The following PCDHA2 variants were observed in gnomAD, a reference collection of about 807,000 sequenced individuals.
The protein encoded by PCDHA2 is protocadherin alpha-2.
In PCDHA2, 58 loss-of-function variants were observed where a neutral mutation model predicts 66.0. That is an observed-to-expected ratio of 0.88 (90% confidence interval 0.71 to 1.09). The LOEUF is 1.09. PCDHA2 is among the 50% of genes least tolerant of loss of function. PCDHA2 has a pLI of 0.00. For synonymous variants in PCDHA2, 634 were observed against 554.0 expected (o/e 1.14, Z -2.03); for missense variants, 1,267 against 1,242.3 (o/e 1.02, Z -0.30).
At chr5:140,870,081 T>A (rs782572380) in intron 1 of PCDHA2, 1 of 1,613,698 alleles carries the variant, frequency 6.2e-7, no homozygotes, top group East Asian at 2.2e-5. Flanking sequence ...ATAAGGGGAC[T>A]CCCCCAATGG....
Position 141,010,263 on chromosome 5 carries a change from C to T in PCDHA2, c.*326C>T, listed in dbSNP as rs782479376. On this transcript the variant is annotated 3_prime_UTR_variant, in exon 4 of 4. Transcript: ENST00000526136. Reference sequence around the variant, plus strand: ...AGGTTGGACTCTCTGCCCTGTGCTCCGGGGATCCTGTCTTGATGACACTTG... The same window carrying T: ...AGGTTGGACTCTCTGCCCTGTGCTCTGGGGATCCTGTCTTGATGACACTTG... The T allele has an allele frequency of 8.4e-6, 13 of 1,551,608 alleles. No homozygotes were observed. Among genetic ancestry groups the T allele is most frequent in the African/African-American group, 5.5e-5 (4 of 73,018 alleles).
At chr5:140,974,083 T>C (rs1345131685) in intron 1 of PCDHA2, among the ~76,000 whole-genome samples, 1 of 152,236 alleles carries the variant, frequency 6.6e-6, no homozygotes, top group Non-Finnish European at 1.5e-5. Flanking sequence ...AACCATGACT[T>C]CAAAAATCAA....
In PCDHA2 at chr5:140,819,267, T is replaced by C. The variant is rs114370260; in HGVS notation, c.2388+21915T>C. On this transcript the variant is annotated intron_variant, in intron 1 of 3. Transcript: ENST00000526136. ...CAATCTGGTATATCTATATAATTTCTATAGATAAGAGAAGAAAAATATAGC... is the reference window on the plus strand; with the variant it reads ...CAATCTGGTATATCTATATAATTTCCATAGATAAGAGAAGAAAAATATAGC... Among the ~76,000 whole-genome samples, 735 of 152,302 alleles carry C rather than the reference T, an allele frequency of 4.8e-3. 10 individuals carry two copies. The highest frequency in any genetic ancestry group is 0.017 in the African/African-American group (707 of 41,588).
At chr5:140,893,570 G>A (rs1583135271) in intron 1 of PCDHA2, among the ~76,000 whole-genome samples, 1 of 152,154 alleles carries the variant, frequency 6.6e-6, no homozygotes, top group African/African-American at 2.4e-5. Context: ...TACTTCCTCA[G>A]TTTTTGCTTG....
intron 1 of PCDHA2, chr5:140,870,414 G>A (rs374225281): frequency 4.0e-5 from 64 of 1,614,112 alleles, no homozygotes; most frequent in Non-Finnish European, 5.0e-5. Context: ...TGTGGGCCAC[G>A]GCCAGGGTAT....
At chr5:140,843,503 A>C in intron 1 of PCDHA2, 1 of 1,595,796 alleles carries the variant, frequency 6.3e-7, no homozygotes. Flanking sequence ...AGCACTGCCC[A>C]CTGAGGGCGG....
Position 140,853,605 on chromosome 5 carries a change from G to A in PCDHA2, c.2388+56253G>A, listed in dbSNP as rs773791072. ...TCTTAGACACTTTGAGAGCAAAGGG[G>A]GTGCTGTAAATAAGTATACAAGATC... On this transcript the variant is annotated intron_variant, in intron 1 of 3. Transcript: ENST00000526136. 143 of 987,206 alleles carry A rather than the reference G, an allele frequency of 1.4e-4. 19 individuals carry two copies. The highest frequency in any genetic ancestry group is 1.7e-4 in the Non-Finnish European group (138 of 819,622). 61.2% of individuals were successfully genotyped at this position (987,206 alleles called of 1,614,324 possible). A position where few individuals can be genotyped will look rare whatever the true frequency, so the allele number is the denominator to read the frequency against.
chr5:140,873,639 T>G (rs567970956), intron 1 of PCDHA2, among the ~76,000 whole-genome samples: 1 of 152,346 alleles, frequency 6.6e-6, no homozygotes, highest in African/African-American at 2.4e-5. Context: ...AAAGAGTATG[T>G]GAGAACTACA....
chr5:140,995,386 A>G (rs1156268381), intron 3 of PCDHA2, among the ~76,000 whole-genome samples: 1 of 152,202 alleles, frequency 6.6e-6, no homozygotes, highest in Non-Finnish European at 1.5e-5. Context: ...TGGGCAGGAT[A>G]AAGCGGGATG....
At chr5:140,810,155 C>G (rs1764606228) in intron 1 of PCDHA2, 1 of 152,258 alleles carries the variant, frequency 6.6e-6, no homozygotes, top group African/African-American at 2.4e-5. Context: ...ATGAAATTAT[C>G]CATGTTGTTA....
At chr5:140,797,840 G>A (rs10052333) in intron 1 of PCDHA2, among the ~76,000 whole-genome samples, 2,257 of 149,980 alleles carry the variant, frequency 0.015, 54 homozygotes, top group African/African-American at 0.054. Context: ...TAGTTAATAA[G>A]CTACATTTTT....
intron 3 of PCDHA2, among the ~76,000 whole-genome samples, chr5:141,007,506 T>A (rs1370245633): frequency 6.6e-6 from 1 of 151,948 alleles, no homozygotes; most frequent in Non-Finnish European, 1.5e-5. Flanking sequence ...AGGCAGAGAC[T>A]GCAGTGAGCT....
chr5:140,851,270 A>G lies in PCDHA2; in HGVS notation c.2388+53918A>G. On this transcript the variant is annotated intron_variant, in intron 1 of 3. Transcript: ENST00000526136. ...ATGCATAGTATTTTAGTCTACTTGTATTGTTTATAAGAAACCCAAGCAAAA... is the reference window on the plus strand; with the variant it reads ...ATGCATAGTATTTTAGTCTACTTGTGTTGTTTATAAGAAACCCAAGCAAAA... The G allele has an allele frequency of 9.4e-6, 10 of 1,065,088 alleles. 1 individual carries two copies. Among genetic ancestry groups the G allele is most frequent in the Non-Finnish European group, 1.1e-5 (9 of 851,818 alleles). 66.0% of individuals were successfully genotyped at this position (1,065,088 alleles called of 1,614,324 possible).
rs2098414068 is a variant in PCDHA2 at position 141,009,729 on chromosome 5, G to T, written c.2639G>T (p.Gly880Val). The T allele has an allele frequency of 6.2e-7, 1 of 1,614,168 alleles. No homozygotes were observed. The highest frequency in any genetic ancestry group is 8.5e-7 in the Non-Finnish European group (1 of 1,180,028). ...GGCAACCCCAAACAATCCGGTCCCG[G>T]TGAGTTGCCCGACAAATTCATTATC... is the stretch of plus-strand genomic sequence containing the variant. ...GPGNPKQSGPGELPDKFIIPG... is the reference protein window; with the variant it reads ...GPGNPKQSGPVELPDKFIIPG... Residue 880 changes from glycine (G) to valine (V), a missense_variant, in exon 4 of 4, where the codon GGT becomes GTT. Transcript: ENST00000526136.
chr5:140,803,539 T>C (rs782740421), intron 1 of PCDHA2: 4 of 1,614,214 alleles, frequency 2.5e-6, no homozygotes, highest in East Asian at 2.2e-5. Context: ...CCTTGTCCAA[T>C]TAGCCGGGAT....
intron 1 of PCDHA2, chr5:140,863,507 T>A: frequency 2.4e-6 from 1 of 420,150 alleles, no homozygotes. Flanking sequence ...CTTTTAGTCC[T>A]AGTGTTCTCC....
At chr5:140,851,058 T>G in intron 1 of PCDHA2, 1 of 1,377,986 alleles carries the variant, frequency 7.3e-7, no homozygotes, top group African/African-American at 1.5e-5. Context: ...TTGTCTTGAC[T>G]TCTAGTGAGA....
rs2150128727 is a variant in PCDHA2, at chr5:140,823,745, C to G, written c.2388+26393C>G. On this transcript the variant is annotated intron_variant, in intron 1 of 3. Transcript: ENST00000526136. ...CTGGTGAAGGACCATGGAGAGCCCC[C>G]GCTGACAGCCACAGCCACAGTGCTG... 125 of 1,613,836 alleles carry G rather than the reference C, an allele frequency of 7.7e-5. No homozygotes were observed. In the South Asian group the frequency reaches 1.3e-3, roughly 17 times the overall value.
At chr5:140,998,211 T>C (rs2097801578) in intron 3 of PCDHA2, among the ~76,000 whole-genome samples, 1 of 152,226 alleles carries the variant, frequency 6.6e-6, no homozygotes. Context: ...TTAATCTGTA[T>C]AACCACACCC....
Sources: allele counts gnomAD v4.1 joint callset (sites outside exome capture counted in the v4.1 genomes callset), GRCh38; gene constraint gnomAD v4.1.1; transcripts MANE v1.5; gene names NCBI Gene and HGNC (gene_info 2026-07-23, HGNC 2026-07-21).